The following DCP1A variants were observed in gnomAD, a reference collection of about 807,000 sequenced individuals.
DCP1A encodes mRNA-decapping enzyme 1A.
A neutral mutation model predicts 58.0 loss-of-function variants in DCP1A; 20 were observed. The ratio of observed to expected loss-of-function variants is 0.34; its 90% CI spans 0.24 to 0.50. DCP1A has a LOEUF of 0.50. DCP1A is among the 20% of genes least tolerant of loss of function. The probability of loss-of-function intolerance (pLI) is 0.98; values close to 1 mark genes in which losing one functional copy is unlikely to be tolerated. For synonymous variants in DCP1A, 285 were observed against 275.1 expected, an observed-to-expected ratio of 1.04 and a Z score of -0.36; for missense variants, 613 against 712.2, an observed-to-expected ratio of 0.86 and a Z score of 1.59.
intron 9 of DCP1A, 44 bp downstream of exon 9, chr3:53,288,021 A>C: frequency 6.5e-7 from 1 of 1,535,470 alleles, no homozygotes; most frequent in South Asian, 1.2e-5. Flanking sequence ...AATTTCTTTC[A>C]TTAAATAATG....
chr3:53,313,292 G>A (rs1575605779), intron 4 of DCP1A, among the ~76,000 whole-genome samples: 1 of 152,032 alleles, frequency 6.6e-6, no homozygotes, highest in Non-Finnish European at 1.5e-5. Context: ...AGTGGTACAC[G>A]CCTGTAGTCC....
At chr3:53,323,511 G>A (rs1240712936) in intron 3 of DCP1A, among the ~76,000 whole-genome samples, 2 of 152,060 alleles carry the variant, frequency 1.3e-5, no homozygotes, top group Non-Finnish European at 2.9e-5. Context: ...ACAAAAATTC[G>A]TTTTCCTTCA....
rs1039665981 is a variant in DCP1A, at chr3:53,314,674, T to C, written c.372-2295A>G. Among the ~76,000 whole-genome samples the C allele has an allele frequency of 2.8e-3, 403 of 141,838 alleles. 1 individual carries two copies. Among genetic ancestry groups the C allele is most frequent in the African/African-American group, 9.6e-3 (369 of 38,362 alleles). 93.1% of individuals were successfully genotyped at this position (141,838 alleles called of 152,430 possible). A position where few individuals can be genotyped will look rare whatever the true frequency, so the allele number is the denominator to read the frequency against. On this transcript the variant is annotated intron_variant, in intron 4 of 9. Coordinates refer to ENST00000610213, the MANE Select transcript of DCP1A (RefSeq NM_018403.7). ...AATATTTCTTTTCTTTTTCTTTTTT[T>C]TTTTTTTTTTTTTTTGAGACAGAGC...
intron 6 of DCP1A, among the ~76,000 whole-genome samples, chr3:53,298,927 C>T (rs184637008): frequency 4.6e-5 from 7 of 152,300 alleles, no homozygotes; most frequent in Non-Finnish European, 7.3e-5. Flanking sequence ...GCCTATAATA[C>T]GCAGTGCAGT....
chr3:53,332,592 C>A (rs149119915), intron 3 of DCP1A, among the ~76,000 whole-genome samples: 3,793 of 152,142 alleles, frequency 0.025, 159 homozygotes, highest in South Asian at 0.15. Context: ...AGGCCGGGCG[C>A]GGTGGCTCAT....
At position 53,286,081 on chromosome 3, in the gene DCP1A, G is replaced by C. The variant is rs1470818196; in HGVS notation, c.*1499C>G. On this transcript the variant is annotated 3_prime_UTR_variant, in exon 10 of 10. Coordinates refer to ENST00000610213, the MANE Select transcript of DCP1A (RefSeq NM_018403.7). Reference sequence around the variant, plus strand: ...AATCATTCTTTATGCTAAAAACTAAGACCAAACTAAAACAAGTATGTAATT... The same window carrying C: ...AATCATTCTTTATGCTAAAAACTAACACCAAACTAAAACAAGTATGTAATT... 3 of 152,114 alleles carry C rather than the reference G, an allele frequency of 2.0e-5. No individual in the cohort carries two copies. Among genetic ancestry groups the C allele is most frequent in the Non-Finnish European group, 4.4e-5 (3 of 68,008 alleles). The allele number at this position is 152,114 out of a possible 1,614,324, so 9.4% of individuals were successfully genotyped here.
chr3:53,311,758 TGAA>T (rs1707650056), intron 5 of DCP1A, among the ~76,000 whole-genome samples: 1 of 152,122 alleles, frequency 6.6e-6, no homozygotes. Context: ...ACTGCAGTGG[TGAA>T]GAAGAGGCAC....
intron 6 of DCP1A, among the ~76,000 whole-genome samples, chr3:53,296,096 T>C (rs140761965): frequency 1.8e-4 from 27 of 152,254 alleles, no homozygotes; most frequent in Non-Finnish European, 3.1e-4. Context: ...TTCACCATGT[T>C]GCCCGGGCTG....
At chr3:53,293,318 A>C (rs766238733) in intron 6 of DCP1A, among the ~76,000 whole-genome samples, 3 of 152,230 alleles carry the variant, frequency 2.0e-5, no homozygotes, top group Admixed American at 1.3e-4. Flanking sequence ...CTTAGTCCCT[A>C]GTCACAGAAT....
intron 5 of DCP1A, among the ~76,000 whole-genome samples, chr3:53,311,292 A>G (rs1290097880): frequency 2.0e-5 from 3 of 152,228 alleles, no homozygotes; most frequent in Non-Finnish European, 4.4e-5. Context: ...TCAATATTTA[A>G]TGAAGAGTAA....
Position 53,292,233 on chromosome 3 carries a change from T to A in DCP1A, c.1219A>T (p.Ile407Leu), listed in dbSNP as rs782083952. ...CCTTTCCCAAGTGGTTGTGTCTGTATTTGGTCATGCTGTGGGGTCAACCTG... is the reference window on the plus strand; with the variant it reads ...CCTTTCCCAAGTGGTTGTGTCTGTAATTGGTCATGCTGTGGGGTCAACCTG... ...KLRLTPQHDQ[I>L]QTQPLGKGAM... The change falls in exon 7 of 10, where the codon ATA becomes TTA. Residue 407 changes from isoleucine to leucine, a missense_variant. By Grantham distance (5) the Ile-to-Leu change is conservative. Transcript: ENST00000610213. The A allele has an allele frequency of 3.1e-6, 5 of 1,613,990 alleles. No homozygotes were observed. Among genetic ancestry groups the A allele is most frequent in the Non-Finnish European group, 8.5e-7 (1 of 1,179,898 alleles).
In DCP1A at chr3:53,311,362, T is replaced by C. The variant is rs192626028; in HGVS notation, c.510+879A>G. Among the ~76,000 whole-genome samples, 444 of 152,288 alleles carry C rather than the reference T, an allele frequency of 2.9e-3. 4 individuals are homozygous for C. Among genetic ancestry groups the C allele is most frequent in the African/African-American group, 1.0e-2 (415 of 41,550 alleles). ...CAGTAGAGAGCTTGTCTCACTCCAGTGAAGTGTGGGGGCTTTGAGGTGCCA... is the reference window on the plus strand; with the variant it reads ...CAGTAGAGAGCTTGTCTCACTCCAGCGAAGTGTGGGGGCTTTGAGGTGCCA... On this transcript the variant is annotated intron_variant, in intron 5 of 9. Transcript: ENST00000610213.
At chr3:53,299,956 C>G (rs889469853) in intron 6 of DCP1A, among the ~76,000 whole-genome samples, 1 of 152,218 alleles carries the variant, frequency 6.6e-6, no homozygotes, top group African/African-American at 2.4e-5. Flanking sequence ...CAACCTCCCC[C>G]TCCTGGGTTC....
intron 3 of DCP1A, among the ~76,000 whole-genome samples, chr3:53,322,887 T>C (rs911907994): frequency 3.3e-4 from 50 of 151,646 alleles, no homozygotes; most frequent in East Asian, 1.9e-4. Flanking sequence ...TCTTGGCTCA[T>C]TGCAAGCTCT....
intron 2 of DCP1A, 54 bp from the exon 3 acceptor site, chr3:53,342,325 A>G: frequency 7.7e-7 from 1 of 1,292,186 alleles, no homozygotes; most frequent in Non-Finnish European, 1.1e-6. Flanking sequence ...ATCTGTAGAA[A>G]TGTTATCTAC....
rs781859914 is a variant in DCP1A, at chr3:53,292,712, C to T, written c.740G>A (p.Gly247Glu). 6.2e-7 allele frequency: 1 copy of T among 1,613,900 alleles called. No individual in the cohort carries two copies. Reference protein sequence around the residue: ...LDSEEMERLPGDASQKEPNSF... With the variant: ...LDSEEMERLPEDASQKEPNSF... ...ATTGGGCTCTTTCTGGGAGGCATCT[C>T]CTGGCAACCTCTCCATTTCTTCTGA... Residue 247 changes from glycine to glutamate, a missense_variant, in exon 7 of 10, where the codon GGA (glycine) becomes GAA (glutamate). Transcript: ENST00000610213.
intron 4 of DCP1A, among the ~76,000 whole-genome samples, chr3:53,317,008 T>C (rs1707833472): frequency 6.6e-6 from 1 of 152,188 alleles, no homozygotes; most frequent in South Asian, 2.1e-4. Flanking sequence ...TTTCAATAGT[T>C]GTTAGAGCTA....
chr3:53,334,799 T>G (rs1352807577), intron 3 of DCP1A, among the ~76,000 whole-genome samples: 1 of 152,214 alleles, frequency 6.6e-6, no homozygotes, highest in Non-Finnish European at 1.5e-5. Flanking sequence ...ATGTGGCTAC[T>G]GCACTGACAG....
chr3:53,343,977 A>G (rs2089256956), intron 2 of DCP1A, among the ~76,000 whole-genome samples: 1 of 152,236 alleles, frequency 6.6e-6, no homozygotes, highest in Non-Finnish European at 1.5e-5. Context: ...AAGAAAAAAG[A>G]GCTTGGTGTA....
Sources: allele counts gnomAD v4.1 joint callset (sites outside exome capture counted in the v4.1 genomes callset), GRCh38; gene constraint gnomAD v4.1.1; transcripts MANE v1.5; gene names NCBI Gene and HGNC (gene_info 2026-07-23, HGNC 2026-07-21).